VPS13B: variants seen among roughly 807,000 people sequenced by gnomAD.
VPS13B encodes intermembrane lipid transfer protein VPS13B.
A neutral mutation model predicts 426.4 loss-of-function variants in VPS13B; 285 were observed. The ratio of observed to expected loss-of-function variants is 0.67; its 90% CI spans 0.61 to 0.74. The LOEUF is 0.74. Among genes scored for constraint, VPS13B ranks in the 30% least tolerant of loss-of-function variants. The pLI is 0.00. For synonymous variants in VPS13B, 1,676 were observed against 1,676.4 expected, an observed-to-expected ratio of 1.00 and a Z score of 0.01; for missense variants, 4,537 against 4,782.6, an observed-to-expected ratio of 0.95 and a Z score of 1.51.
chr8:99,224,114 G>A (rs1016696203), intron 17 of VPS13B, among the ~76,000 whole-genome samples: 17 of 152,126 alleles, frequency 1.1e-4, no homozygotes, highest in African/African-American at 3.6e-4. Flanking sequence ...GAGGTTGTGC[G>A]GGCTTGAATG....
At chr8:99,392,376 A>G (rs1309946821) in intron 21 of VPS13B, among the ~76,000 whole-genome samples, 1 of 151,970 alleles carries the variant, frequency 6.6e-6, no homozygotes, top group Non-Finnish European at 1.5e-5. Context: ...AATTTTTATG[A>G]TTTTATTTTG....
intron 39 of VPS13B, among the ~76,000 whole-genome samples, chr8:99,747,865 CG>C (rs1201711953): frequency 1.3e-5 from 2 of 150,980 alleles, no homozygotes; most frequent in Non-Finnish European, 3.0e-5. Context: ...TTCTCTTGGG[CG>C]GCAGGGTCAG....
At chr8:99,165,291 A>G (rs539509333) in intron 15 of VPS13B, among the ~76,000 whole-genome samples, 8 of 152,274 alleles carry the variant, frequency 5.3e-5, no homozygotes, top group Admixed American at 4.6e-4. Flanking sequence ...TCTCCTATCT[A>G]ATTGAAATTT....
intron 19 of VPS13B, among the ~76,000 whole-genome samples, chr8:99,352,420 A>G (rs1329570899): frequency 2.0e-5 from 3 of 152,212 alleles, no homozygotes; most frequent in African/African-American, 7.2e-5. Context: ...CTCTTATGTC[A>G]TAAATAGTCC....
intron 39 of VPS13B, among the ~76,000 whole-genome samples, chr8:99,752,661 A>C (rs913450934): frequency 2.6e-5 from 4 of 152,224 alleles, no homozygotes; most frequent in Non-Finnish European, 5.9e-5. Flanking sequence ...ATATTTAAAA[A>C]TTTTAAGTTA....
At chr8:99,449,952 G>A (rs555311269) in intron 23 of VPS13B, among the ~76,000 whole-genome samples, 8 of 152,030 alleles carry the variant, frequency 5.3e-5, no homozygotes, top group South Asian at 2.1e-4. Context: ...CTGTAGGTTC[G>A]TGCCACCATG....
chr8:99,369,766 A>G (rs1813082021), intron 19 of VPS13B, among the ~76,000 whole-genome samples: 1 of 152,220 alleles, frequency 6.6e-6, no homozygotes, highest in Non-Finnish European at 1.5e-5. Context: ...GAGGAGTTTC[A>G]TCTATAGCAA....
At chr8:99,116,788 ATAAT>A (rs1847680979) in intron 7 of VPS13B, among the ~76,000 whole-genome samples, 2 of 152,190 alleles carry the variant, frequency 1.3e-5, no homozygotes, top group South Asian at 4.1e-4. Flanking sequence ...TTCCTAGTAA[ATAAT>A]AGTATTGGTA....
At chr8:99,574,212 G>C (rs191489204) in intron 31 of VPS13B, among the ~76,000 whole-genome samples, 1 of 152,122 alleles carries the variant, frequency 6.6e-6, no homozygotes. Flanking sequence ...TGAGAGGATG[G>C]GGTTTTCTAA....
intron 35 of VPS13B, among the ~76,000 whole-genome samples, chr8:99,670,402 A>G: frequency 6.6e-6 from 1 of 152,120 alleles, no homozygotes. Context: ...GTGTTTTGAT[A>G]AATGTGTCAT....
chr8:99,711,577 G>T (rs1427683158), intron 36 of VPS13B, among the ~76,000 whole-genome samples: 6 of 151,738 alleles, frequency 4.0e-5, no homozygotes, highest in Non-Finnish European at 7.4e-5. Context: ...GAATAAAAGA[G>T]ACTGAAAAAA....
At chr8:99,598,425 T>G (rs928471124) in intron 33 of VPS13B, among the ~76,000 whole-genome samples, 3 of 152,042 alleles carry the variant, frequency 2.0e-5, no homozygotes, top group African/African-American at 7.2e-5. Context: ...AGTGCTGAGA[T>G]TGCCCTGGGT....
At chr8:99,258,790 G>A (rs1056046669) in intron 17 of VPS13B, among the ~76,000 whole-genome samples, 8 of 151,972 alleles carry the variant, frequency 5.3e-5, no homozygotes, top group South Asian at 2.1e-4. Flanking sequence ...AGAGATAAAA[G>A]CAATCATAGT....
intron 27 of VPS13B, among the ~76,000 whole-genome samples, chr8:99,506,791 A>T (rs1193054303): frequency 6.6e-6 from 1 of 152,218 alleles, no homozygotes; most frequent in Non-Finnish European, 1.5e-5. Context: ...CAGGAGTTCA[A>T]GGTTACAGTG....
intron 34 of VPS13B, among the ~76,000 whole-genome samples, chr8:99,651,997 TAG>T (rs1486521804): frequency 6.6e-6 from 1 of 152,174 alleles, no homozygotes; most frequent in Non-Finnish European, 1.5e-5. Context: ...AAACATCAAC[TAG>T]ACTAAAATAC....
At chr8:99,110,576 C>G (rs1421110104) in intron 5 of VPS13B, among the ~76,000 whole-genome samples, 2 of 151,868 alleles carry the variant, frequency 1.3e-5, no homozygotes, top group East Asian at 3.8e-4. Flanking sequence ...CTAGTGCAAC[C>G]AAGGACCTTA....
At chr8:99,344,858 TA>T (rs1811452839) in intron 19 of VPS13B, among the ~76,000 whole-genome samples, 1 of 152,194 alleles carries the variant, frequency 6.6e-6, no homozygotes. Context: ...ATTTCAGTAT[TA>T]AAGTAGTCAG....
chr8:99,851,387 T>C (rs1310236253), intron 55 of VPS13B, among the ~76,000 whole-genome samples: 2 of 151,404 alleles, frequency 1.3e-5, no homozygotes, highest in African/African-American at 4.9e-5. Flanking sequence ...TGATGGGGGG[T>C]GTAGAGAGTA....
intron 39 of VPS13B, among the ~76,000 whole-genome samples, chr8:99,736,375 C>T (rs1376882287): frequency 6.6e-6 from 1 of 152,124 alleles, no homozygotes; most frequent in Non-Finnish European, 1.5e-5. Flanking sequence ...GAGTTCGAGA[C>T]TAGCCTGGTC....
Sources: gnomAD v4.1 joint callset for allele counts (sites outside exome capture counted in the v4.1 genomes callset) on GRCh38, gnomAD v4.1.1 for gene constraint, MANE v1.5 for transcripts, NCBI Gene and HGNC (gene_info 2026-07-23, HGNC 2026-07-21) for gene names.